SLC12A2: variants seen among roughly 807,000 people sequenced by gnomAD.
The protein encoded by SLC12A2 is solute carrier family 12 member 2.
A neutral mutation model predicts 136.3 loss-of-function variants in SLC12A2; 67 were observed. That is an observed-to-expected ratio of 0.49 (90% confidence interval 0.40 to 0.60). The LOEUF is 0.60. Ranked by LOEUF, SLC12A2 falls within the 20% of genes least tolerant of loss-of-function variation. SLC12A2 has a pLI of 0.00. For missense variants in SLC12A2, 1,322 were observed against 1,534.7 expected (o/e 0.86, Z 2.32); for synonymous variants, 619 against 562.9 (o/e 1.10, Z -1.41).
chr5:128,122,978 A>T (rs943345388), intron 4 of SLC12A2, among the ~76,000 whole-genome samples: 3 of 152,150 alleles, frequency 2.0e-5, no homozygotes, highest in Non-Finnish European at 4.4e-5. Flanking sequence ...TTTTCAGTTC[A>T]GTAAAACACT....
At chr5:128,138,548 A>T (rs1404420660) in intron 7 of SLC12A2, 49 bp from the exon 8 acceptor site, 1 of 1,542,584 alleles carries the variant, frequency 6.5e-7, no homozygotes, top group Non-Finnish European at 8.8e-7. Context: ...CAGTTATTAT[A>T]GTCTAATTTG....
Position 128,187,599 on chromosome 5 carries a change from T to C in SLC12A2, c.*968T>C, listed in dbSNP as rs1763908632. Reference sequence around the variant, plus strand: ...AGTGGAATTTCAGTATACTGTACTATCCTTTATAAGTCATTAAAATAATGT... The same window carrying C: ...AGTGGAATTTCAGTATACTGTACTACCCTTTATAAGTCATTAAAATAATGT... On this transcript the variant is annotated 3_prime_UTR_variant, in exon 27 of 27. Coordinates refer to ENST00000262461, the MANE Select transcript of SLC12A2 (RefSeq NM_001046.3). The C allele has an allele frequency of 6.6e-6, 1 of 152,490 alleles. No homozygotes were observed. The highest frequency in any genetic ancestry group is 2.1e-4 in the South Asian group (1 of 4,832). The allele number at this position is 152,490 out of a possible 1,614,324, so 9.4% of individuals were successfully genotyped here.
At chr5:128,155,384 C>T (rs1762844059) in intron 15 of SLC12A2, among the ~76,000 whole-genome samples, 1 of 152,102 alleles carries the variant, frequency 6.6e-6, no homozygotes, top group Non-Finnish European at 1.5e-5. Flanking sequence ...GCATCCTTAC[C>T]TTTATACCCC....
chr5:128,131,537 CA>C (rs33967323), intron 5 of SLC12A2, among the ~76,000 whole-genome samples: 47,552 of 135,692 alleles, frequency 0.35, 10,613 homozygotes, highest in African/African-American at 0.65. Context: ...ACTACAAATA[CA>C]AAAAAAAAAA....
chr5:128,139,440 G>GTTATTA (rs1762289146), intron 9 of SLC12A2, among the ~76,000 whole-genome samples: 1 of 152,122 alleles, frequency 6.6e-6, no homozygotes, highest in East Asian at 1.9e-4. Context: ...TCAAAACCAT[G>GTTATTA]TTATTACTTC....
At chr5:128,171,561 G>A in intron 18 of SLC12A2, 106 bp from the exon 19 acceptor site, 4 of 720,420 alleles carry the variant, frequency 5.6e-6, no homozygotes, top group Admixed American at 2.8e-5. Flanking sequence ...GACGTTTAAA[G>A]CCGAAAGTAA....
intron 1 of SLC12A2, among the ~76,000 whole-genome samples, chr5:128,106,266 TGGCAGGTAGAGTGAA>T (rs1760931441): frequency 6.6e-6 from 1 of 152,190 alleles, no homozygotes; most frequent in African/African-American, 2.4e-5. Context: ...TCTGTGAAAA[TGGCAGGTAGAGTGAA>T]GATTTTTATT....
At chr5:128,149,468 T>C (rs1762629469) in intron 12 of SLC12A2, among the ~76,000 whole-genome samples, 1 of 151,758 alleles carries the variant, frequency 6.6e-6, no homozygotes. Context: ...TAGAAACTTG[T>C]ATATATACTT....
chr5:128,174,746 C>G, intron 20 of SLC12A2, 80 bp downstream of exon 20: 1 of 1,124,462 alleles, frequency 8.9e-7, no homozygotes. Flanking sequence ...TATAATATGT[C>G]TTATAAAAAT....
Position 128,178,576 on chromosome 5 carries a change from G to T in SLC12A2, c.2987G>T (p.Gly996Val). 6.3e-7 allele frequency: 1 copy of T among 1,579,334 alleles called. No individual in the cohort carries two copies. Among genetic ancestry groups the T allele is most frequent in the Middle Eastern group, 1.7e-4 (1 of 5,820 alleles). Residue 996 changes from glycine to valine, a missense_variant, in exon 22 of 27, where the codon GGC becomes GTC. Gly to Val is a moderately radical substitution (Grantham distance 109). This residue lies in a region of SLC12A2 where 226 missense variants were observed against 210.4 expected (regional missense o/e 1.07). Transcript: ENST00000262461. ...TTGCTTAATCCTTTAGAATCCAAAG[G>T]CCCTATTGTGCCTTTAAATGTAGCT... Reference protein sequence around the residue: ...TQPLLKKESKGPIVPLNVADQ... With the variant: ...TQPLLKKESKVPIVPLNVADQ...
At chr5:128,128,412 A>G (rs144469871) in intron 4 of SLC12A2, among the ~76,000 whole-genome samples, 11 of 152,222 alleles carry the variant, frequency 7.2e-5, no homozygotes, top group African/African-American at 2.4e-4. Context: ...GTTTATGACC[A>G]ATTATGAGAC....
intron 9 of SLC12A2, 40 bp from the exon 10 acceptor site, chr5:128,141,790 G>A (rs1295713822): frequency 6.4e-7 from 1 of 1,552,204 alleles, no homozygotes; most frequent in Admixed American, 1.9e-5. Context: ...AATGAATGTA[G>A]ATATTAACTA....
At chr5:128,181,208 C>T (rs1380253050) in intron 23 of SLC12A2, among the ~76,000 whole-genome samples, 1 of 152,068 alleles carries the variant, frequency 6.6e-6, no homozygotes, top group Admixed American at 6.5e-5. Context: ...TTTTTTTTAA[C>T]ATACTAGCAT....
intron 14 of SLC12A2, 61 bp downstream of exon 14, chr5:128,151,457 T>G: frequency 7.1e-7 from 1 of 1,411,318 alleles, no homozygotes; most frequent in Admixed American, 2.4e-5. Flanking sequence ...AGAAAACATC[T>G]AGAAGTTCTT....
intron 15 of SLC12A2, among the ~76,000 whole-genome samples, chr5:128,154,681 A>C (rs1486191813): frequency 6.6e-6 from 1 of 152,054 alleles, no homozygotes; most frequent in Non-Finnish European, 1.5e-5. Context: ...AACTGCAGAG[A>C]GTACTGAATT....
chr5:128,123,540 A>C (rs1286311792), intron 4 of SLC12A2, among the ~76,000 whole-genome samples: 1 of 152,130 alleles, frequency 6.6e-6, no homozygotes, highest in Non-Finnish European at 1.5e-5. Flanking sequence ...GCGTAGTGGT[A>C]TCTTAGGATA....
intron 1 of SLC12A2, among the ~76,000 whole-genome samples, chr5:128,105,307 A>T (rs1465768511): frequency 6.6e-6 from 1 of 152,206 alleles, no homozygotes; most frequent in Non-Finnish European, 1.5e-5. Context: ...TGAGTCTGGT[A>T]CGATAACCAT....
At chr5:128,156,299 T>G (rs1261730535) in intron 15 of SLC12A2, among the ~76,000 whole-genome samples, 1 of 152,182 alleles carries the variant, frequency 6.6e-6, no homozygotes, top group Non-Finnish European at 1.5e-5. Flanking sequence ...TTCTTCCAGT[T>G]GCTTTCTAGC....
rs368518207 is a variant in SLC12A2, at chr5:128,142,019, T to G, written c.1773+38T>G. On this transcript the variant is annotated intron_variant, in intron 10 of 26. Transcript: ENST00000262461. ...TTTGTAATATACAGACATTCTGTAT[T>G]TATCTAGGGGTGAGACTACTATCAA... 9.7e-6 allele frequency: 15 copies of G among 1,553,508 alleles called. No individual in the cohort carries two copies. In the African/African-American group the frequency reaches 1.4e-4, roughly 14 times the overall value.
Sources: allele counts gnomAD v4.1 joint callset (sites outside exome capture counted in the v4.1 genomes callset), GRCh38; gene constraint gnomAD v4.1.1; regional missense constraint gnomAD v4.1.1; transcripts MANE v1.5; gene names NCBI Gene and HGNC (gene_info 2026-07-23, HGNC 2026-07-21).